Variants in PAK4 observed in about 807,000 individuals in gnomAD.
The protein encoded by PAK4 is p21 (RAC1) activated kinase 4.
Under a neutral mutation model 53.5 loss-of-function variants are expected in PAK4, and 49 were observed. That is an observed-to-expected ratio of 0.92 (90% CI 0.73 to 1.16). PAK4 has a LOEUF of 1.16. PAK4 is among the 50% of genes most tolerant of loss of function. The probability of loss-of-function intolerance (pLI) is 0.00; values close to 1 mark genes in which losing one functional copy is unlikely to be tolerated. For missense variants in PAK4, 824 were observed against 850.7 expected (o/e 0.97, Z 0.39); for synonymous variants, 376 against 375.6 (o/e 1.00, Z -0.01).
chr19:39,177,278 C>T (rs1452680580), intron 7 of PAK4, among the ~76,000 whole-genome samples: 1 of 152,174 alleles, frequency 6.6e-6, no homozygotes, highest in Admixed American at 6.5e-5. Flanking sequence ...CCTCTTTTTC[C>T]CTGGGTGTTT....
intron 1 of PAK4, among the ~76,000 whole-genome samples, chr19:39,134,425 T>C (rs140796471): frequency 1.3e-5 from 2 of 152,332 alleles, no homozygotes; most frequent in Non-Finnish European, 2.9e-5. Flanking sequence ...CCTGATAGTT[T>C]TTACCATGAG....
intron 1 of PAK4, among the ~76,000 whole-genome samples, chr19:39,129,220 A>T (rs1467054338): frequency 6.6e-6 from 1 of 150,560 alleles, no homozygotes; most frequent in Non-Finnish European, 1.5e-5. Context: ...TGAGCTGAGC[A>T]TTGGAGTCTG....
intron 1 of PAK4, among the ~76,000 whole-genome samples, chr19:39,137,473 C>T (rs923566846): frequency 6.6e-5 from 10 of 152,282 alleles, no homozygotes; most frequent in East Asian, 3.9e-4. Context: ...TAGCTGCACC[C>T]GTGTGACCCA....
exon 9 of PAK4, chr19:39,179,365 C>T (rs1469982632): frequency 1.3e-5 from 2 of 150,534 alleles, no homozygotes; most frequent in Admixed American, 1.3e-4. Flanking sequence ...CCCACCCCTG[C>T]CTCGAGTTAG....
In PAK4 at chr19:39,173,517, T is replaced by A; in HGVS notation, c.664-59T>A. 7.1e-7 allele frequency: 1 copy of A among 1,402,942 alleles called. No individual in the cohort carries two copies. The allele number at this position is 1,402,942 out of a possible 1,614,324, so 86.9% of individuals were successfully genotyped here. On this transcript the variant is annotated intron_variant, in intron 3 of 8. Coordinates refer to ENST00000358301, the Ensembl canonical transcript of PAK4. This position sits in a 1 kb window ranked among gnomAD's most constrained non-coding sequence, Gnocchi z 6.9. The stretch of plus-strand genomic sequence containing the variant: ...CCCATCGCTGGGTCTCTCTCCTGCT[T>A]AGGGAGCAGAGCTGCTCCCTGGCAC...
At chr19:39,170,051 G>A (rs1209857218) in intron 2 of PAK4, among the ~76,000 whole-genome samples, 1 of 152,144 alleles carries the variant, frequency 6.6e-6, no homozygotes. Flanking sequence ...TGTCCCGGGG[G>A]CCATGCTGCT....
rs974327077 is a variant in PAK4 at position 39,178,889 on chromosome 19, G to A, written c.*310G>A. The A allele has an allele frequency of 2.9e-6, 1 of 344,932 alleles. No homozygotes were observed. The highest frequency in any genetic ancestry group is 2.2e-5 in the African/African-American group (1 of 46,098). The allele number at this position is 344,932 out of a possible 1,614,324, so 21.4% of individuals were successfully genotyped here. A position where few individuals can be genotyped will look rare whatever the true frequency, so the allele number is the denominator to read the frequency against. On this transcript the variant is annotated 3_prime_UTR_variant, in exon 9 of 9. Transcript: ENST00000358301. This position sits in a 1 kb window ranked among gnomAD's most constrained non-coding sequence, Gnocchi z 4.4. Reference sequence around the variant, plus strand: ...CCTCCCATCACTGGAAGTCTGCAGTGGGGGTCGCTGGGGGTGGAGAGAACA... The same window carrying A: ...CCTCCCATCACTGGAAGTCTGCAGTAGGGGTCGCTGGGGGTGGAGAGAACA...
intron 1 of PAK4, among the ~76,000 whole-genome samples, chr19:39,163,935 C>G (rs148064997): frequency 4.7e-4 from 71 of 152,284 alleles, no homozygotes; most frequent in African/African-American, 1.5e-3. Context: ...GAGGACAGTC[C>G]CTGCCCTGTG....
intron 1 of PAK4, among the ~76,000 whole-genome samples, chr19:39,162,371 T>C (rs1004626450): frequency 2.0e-5 from 3 of 152,192 alleles, no homozygotes; most frequent in Admixed American, 6.5e-5. Context: ...TTCTCCCGCC[T>C]CAGCCTCCTC....
intron 1 of PAK4, among the ~76,000 whole-genome samples, chr19:39,130,748 A>G (rs2073694289): frequency 6.6e-6 from 1 of 151,938 alleles, no homozygotes; most frequent in African/African-American, 2.4e-5. Context: ...GCGGTGTTGG[A>G]TACAGCAGGG....
intron 1 of PAK4, among the ~76,000 whole-genome samples, chr19:39,158,203 G>A (rs900840801): frequency 6.6e-6 from 1 of 151,928 alleles, no homozygotes; most frequent in Non-Finnish European, 1.5e-5. Flanking sequence ...GTGCATGTAT[G>A]TGCATGTGTG....
At chr19:39,156,944 A>G (rs1391172326) in intron 1 of PAK4, 4 of 152,388 alleles carry the variant, frequency 2.6e-5, no homozygotes, top group African/African-American at 9.6e-5. Flanking sequence ...CAGTGTGAGC[A>G]TGTGCGAAGG....
In PAK4 at chr19:39,161,120, C is replaced by T. The variant is rs1326841617; in HGVS notation, c.-22-8412C>T. ...TTTAGAGGGCTCCGCGTGGCCTGGTCTGTGTGCCTGGCACAGCCTGGGCAA... is the reference window on the plus strand; with the variant it reads ...TTTAGAGGGCTCCGCGTGGCCTGGTTTGTGTGCCTGGCACAGCCTGGGCAA... On this transcript the variant is annotated intron_variant, in intron 1 of 8. Coordinates refer to ENST00000358301, the Ensembl canonical transcript of PAK4. This position sits in a 1 kb window ranked among gnomAD's most constrained non-coding sequence, Gnocchi z 4.5. Among the ~76,000 whole-genome samples, 1 of 152,242 alleles carries T rather than the reference C, an allele frequency of 6.6e-6. No individual in the cohort carries two copies. Among genetic ancestry groups the T allele is most frequent in the East Asian group, 1.9e-4 (1 of 5,198 alleles).
At chr19:39,172,522 G>C (rs1482313711) in intron 2 of PAK4, among the ~76,000 whole-genome samples, 1 of 152,154 alleles carries the variant, frequency 6.6e-6, no homozygotes, top group African/African-American at 2.4e-5. Context: ...GGAAGTGCCA[G>C]GCCAGGCCCT....
At chr19:39,165,627 C>G (rs2074363271) in intron 1 of PAK4, among the ~76,000 whole-genome samples, 1 of 152,214 alleles carries the variant, frequency 6.6e-6, no homozygotes, top group Non-Finnish European at 1.5e-5. Flanking sequence ...AGAGCCCAGC[C>G]TTCAGTGCCT....
intron 1 of PAK4, among the ~76,000 whole-genome samples, chr19:39,144,117 TAGAC>T (rs1221421663): frequency 0.013 from 1,677 of 124,514 alleles, 31 homozygotes; most frequent in African/African-American, 0.04. Context: ...GATAGATAGA[TAGAC>T]AGACAGACAG....
chr19:39,153,051 T>A lies in PAK4; in HGVS notation c.-22-16481T>A, dbSNP rs563927920. Among the ~76,000 whole-genome samples the A allele has an allele frequency of 2.2e-3, 333 of 152,280 alleles. 1 individual carries two copies. The highest frequency in any genetic ancestry group is 4.4e-3 in the Non-Finnish European group (296 of 68,014). Reference sequence around the variant, plus strand: ...CTACCGAGGGAGAATTGTATAGATATATCAATTTTTTTCTTTCAAATCATA... The same window carrying A: ...CTACCGAGGGAGAATTGTATAGATAAATCAATTTTTTTCTTTCAAATCATA... On this transcript the variant is annotated intron_variant, in intron 1 of 8. Transcript: ENST00000358301.
At chr19:39,135,043 G>A (rs2073784894) in intron 1 of PAK4, 1 of 152,280 alleles carries the variant, frequency 6.6e-6, no homozygotes, top group African/African-American at 2.4e-5. Context: ...GGGTGGGGTA[G>A]CTTCAGATTT....
intron 2 of PAK4, among the ~76,000 whole-genome samples, 165 bp from the exon 4 acceptor site, chr19:39,172,753 G>A (rs1420540525): frequency 6.6e-6 from 1 of 152,062 alleles, no homozygotes; most frequent in East Asian, 1.9e-4. Context: ...CCCAGGGAGG[G>A]GAGGGGCTGC....
Sources: gnomAD v4.1 joint callset for allele counts (sites outside exome capture counted in the v4.1 genomes callset) on GRCh38, gnomAD v4.1.1 for gene constraint, Gnocchi (gnomAD v3.1) non-coding constraint, MANE v1.5 for transcripts, NCBI Gene and HGNC (gene_info 2026-07-23, HGNC 2026-07-21) for gene names.